The following FAM120C variants were observed in gnomAD, a reference collection of about 807,000 sequenced individuals.
The protein encoded by FAM120C is constitutive coactivator of PPAR-gamma-like protein 2.
A neutral mutation model predicts 71.2 loss-of-function variants in FAM120C; 14 were observed. The observed-to-expected ratio is 0.20, with a 90% CI of 0.13 to 0.31. FAM120C has a LOEUF of 0.31. FAM120C is among the 10% of genes least tolerant of loss of function. The probability of loss-of-function intolerance (pLI) is 1.00; values close to 1 mark genes in which losing one functional copy is unlikely to be tolerated. For missense variants in FAM120C, 500 were observed against 879.0 expected, an observed-to-expected ratio of 0.57 and a Z score of 5.45; for synonymous variants, 354 against 353.2, an observed-to-expected ratio of 1.00 and a Z score of -0.03.
chrX:54,176,777 A>G (rs1210425512), intron 1 of FAM120C, among the ~76,000 whole-genome samples: 1 of 111,969 alleles, frequency 8.9e-6, no homozygotes, highest in Non-Finnish European at 1.9e-5. Flanking sequence ...AAATCAACCA[A>G]TCTCTCTCAC....
rs374188582 is a variant in FAM120C, at chrX:54,079,797, C to CA, written c.3036+434dup. On this transcript the variant is annotated intron_variant, in intron 15 of 15. Transcript: ENST00000375180. ...GGGCAACAAGAGCGCAACTCCGTCT[C>CA]AAAAAAAAAAAAGCAGAATGGTAAC... Among the ~76,000 whole-genome samples the CA allele has an allele frequency of 9.5e-3, 881 of 92,767 alleles. 15 individuals carry two copies. The highest frequency in any genetic ancestry group is 0.031 in the African/African-American group (781 of 25,581). 80.6% of individuals were successfully genotyped at this position (92,767 alleles called of 115,157 possible). A position where few individuals can be genotyped will look rare whatever the true frequency, so the allele number is the denominator to read the frequency against.
intron 1 of FAM120C, among the ~76,000 whole-genome samples, chrX:54,179,648 T>C (rs2067336806): frequency 9.0e-6 from 1 of 111,405 alleles, no homozygotes; most frequent in South Asian, 3.8e-4. Context: ...AGATATGCAA[T>C]TTTGGAGCTG....
At position 54,182,869 on chromosome X, in the gene FAM120C, GGGC is replaced by G. The variant is rs781789688; in HGVS notation, c.327_329del (p.Pro111del). 2.9e-5 allele frequency: 33 copies of G among 1,133,500 alleles called. No individual in the cohort carries two copies. The highest frequency in any genetic ancestry group is 9.1e-5 in the Admixed American group (3 of 32,827). 93.4% of individuals were successfully genotyped at this position (1,133,500 alleles called of 1,213,427 possible). On this transcript the variant is annotated inframe_deletion, in exon 1 of 16. Transcript: ENST00000375180. ...GCACCCGGGCCCCGGGCAGCTGAGGGGGCGGCGGCGGCGGCAGCGGAGGGTGCA... is the reference window on the plus strand; with the variant it reads ...GCACCCGGGCCCCGGGCAGCTGAGGGGGCGGCGGCGGCAGCGGAGGGTGCA...
chrX:54,173,868 T>C, intron 1 of FAM120C: 1 of 309,536 alleles, frequency 3.2e-6, no homozygotes, highest in East Asian at 4.7e-5. Flanking sequence ...TATTATCTCA[T>C]AGTATCTGTA....
chrX:54,175,058 T>C (rs1219250583), intron 1 of FAM120C, among the ~76,000 whole-genome samples: 1 of 111,391 alleles, frequency 9.0e-6, no homozygotes, highest in Non-Finnish European at 1.9e-5. Context: ...TAGGGTACCA[T>C]GCTTTGTACC....
chrX:54,131,524 C>T (rs1467014235), intron 9 of FAM120C, among the ~76,000 whole-genome samples: 9 of 109,763 alleles, frequency 8.2e-5, no homozygotes, highest in Non-Finnish European at 1.5e-4. Context: ...CCGCAACCTC[C>T]GCCTCCTGAG....
chrX:54,105,232 T>C (rs1569531963), intron 10 of FAM120C, among the ~76,000 whole-genome samples: 1 of 111,826 alleles, frequency 8.9e-6, no homozygotes, highest in Non-Finnish European at 1.9e-5. Flanking sequence ...GCTTCATCCC[T>C]GGGATGCAAG....
At chrX:54,159,966 T>C (rs1557134203) in intron 1 of FAM120C, among the ~76,000 whole-genome samples, 1 of 110,190 alleles carries the variant, frequency 9.1e-6, no homozygotes, top group African/African-American at 3.3e-5. Flanking sequence ...TGATTATTAC[T>C]GTAAACACAG....
chrX:54,161,777 G>A (rs1258036866), intron 1 of FAM120C, among the ~76,000 whole-genome samples: 2 of 111,915 alleles, frequency 1.8e-5, no homozygotes, highest in East Asian at 2.8e-4. Flanking sequence ...GGCTACGGGC[G>A]CATGCCACCA....
At chrX:54,114,708 G>C (rs1251402839) in intron 10 of FAM120C, among the ~76,000 whole-genome samples, 4 of 109,930 alleles carry the variant, frequency 3.6e-5, no homozygotes, top group African/African-American at 1.3e-4. Context: ...CAAAGTGCTG[G>C]GGTTACAGGT....
chrX:54,108,075 G>A (rs1435897242), intron 10 of FAM120C, among the ~76,000 whole-genome samples: 4 of 105,821 alleles, frequency 3.8e-5, no homozygotes, highest in Non-Finnish European at 7.7e-5. Context: ...TTTTGAAAGC[G>A]AAGTGCTCTG....
rs1332620978 is a variant in FAM120C at position 54,093,966 on chromosome X, T to G, written c.2313-2540A>C. On this transcript the variant is annotated intron_variant, in intron 10 of 15. Transcript: ENST00000375180. The stretch of plus-strand genomic sequence containing the variant: ...AGTTATACATAAGAATAACATTTAC[T>G]AAATGCCTCTGATATTCTAGATACC... 2.7e-5 allele frequency among the ~76,000 whole-genome samples: 3 copies of G among 110,996 alleles called. No homozygotes were observed. The Admixed American group carries it at 2.9e-4, about 11-fold the overall frequency.
At chrX:54,076,840 C>T (rs1269271060) in intron 15 of FAM120C, among the ~76,000 whole-genome samples, 4 of 111,532 alleles carry the variant, frequency 3.6e-5, no homozygotes, top group African/African-American at 1.3e-4. Flanking sequence ...CCCTGTAATC[C>T]CAGCACTTTG....
At chrX:54,169,873 T>C (rs193122046) in intron 1 of FAM120C, among the ~76,000 whole-genome samples, 10 of 111,885 alleles carry the variant, frequency 8.9e-5, no homozygotes, top group Admixed American at 8.6e-4. Flanking sequence ...CAACCAACCA[T>C]TAAGAGACCA....
chrX:54,152,875 T>C (rs1409416922), intron 3 of FAM120C, among the ~76,000 whole-genome samples: 1 of 111,137 alleles, frequency 9.0e-6, no homozygotes, highest in Non-Finnish European at 1.9e-5. Flanking sequence ...TGGGATAGGG[T>C]GAGGGAAGTT....
chrX:54,146,348 A>G (rs974045316), intron 4 of FAM120C, among the ~76,000 whole-genome samples: 8 of 111,835 alleles, frequency 7.2e-5, no homozygotes, highest in Non-Finnish European at 1.3e-4. Context: ...TAAAATTTAT[A>G]CGGAAAGACA....
intron 1 of FAM120C, among the ~76,000 whole-genome samples, chrX:54,167,967 CAA>C (rs782320617): frequency 2.1e-4 from 10 of 47,616 alleles, no homozygotes; most frequent in Admixed American, 2.5e-4. Flanking sequence ...GACTCCGTCT[CAA>C]AAAAAAAAAA....
intron 1 of FAM120C, among the ~76,000 whole-genome samples, chrX:54,173,564 T>C (rs1192197328): frequency 8.9e-6 from 1 of 112,561 alleles, no homozygotes; most frequent in East Asian, 2.8e-4. Flanking sequence ...TGATATTTCT[T>C]ACAATGGTTT....
At position 54,072,589 on chromosome X, in the gene FAM120C, C is replaced by T. The variant is rs2066716057; in HGVS notation, c.*444G>A. ...AGAAAAAAAAAAAACAAAAAAAAAC[C>T]TCAGGAGGCCACAGCTGTCCCCACA... On this transcript the variant is annotated 3_prime_UTR_variant, in exon 16 of 16. Coordinates refer to ENST00000375180, the MANE Select transcript of FAM120C (RefSeq NM_017848.6). 2 of 109,710 alleles carry T rather than the reference C, an allele frequency of 1.8e-5. No homozygotes were observed. The highest frequency in any genetic ancestry group is 3.4e-5 in the African/African-American group (1 of 29,670). The allele number at this position is 109,710 out of a possible 1,213,427, so 9.0% of individuals were successfully genotyped here.
Sources: gnomAD v4.1 joint callset for allele counts (sites outside exome capture counted in the v4.1 genomes callset) on GRCh38, gnomAD v4.1.1 for gene constraint, MANE v1.5 for transcripts, NCBI Gene and HGNC (gene_info 2026-07-23, HGNC 2026-07-21) for gene names.